Variants in SULF2 observed in about 807,000 individuals in gnomAD.
SULF2 encodes sulfatase 2.
SULF2 carries 52 observed loss-of-function variants against 107.7 expected under a neutral mutation model. The ratio of observed to expected loss-of-function variants is 0.48; its 90% CI spans 0.39 to 0.61. SULF2 has a LOEUF of 0.61. SULF2 is among the 20% of genes least tolerant of loss of function. The pLI is 0.00. For missense variants in SULF2, 993 were observed against 1,177.3 expected (o/e 0.84, Z 2.29); for synonymous variants, 460 against 464.3 (o/e 0.99, Z 0.12).
chr20:47,741,267 C>T (rs2089874081), intron 2 of SULF2, among the ~76,000 whole-genome samples: 2 of 151,668 alleles, frequency 1.3e-5, no homozygotes, highest in Admixed American at 1.3e-4. Flanking sequence ...CCTCTCCGCC[C>T]ACTCTCTGCA....
chr20:47,665,707 C>T lies in SULF2; in HGVS notation c.1902+150G>A, dbSNP rs1211523370. ...ATCTGTCTCATGCTGGGACTGACAC[C>T]TATCCCCGCGTTGAGGAATCTGTGG... On this transcript the variant is annotated intron_variant, in intron 13 of 20. Transcript: ENST00000688720. The T allele has an allele frequency of 7.6e-6, 5 of 656,522 alleles. No individual in the cohort carries two copies. The Admixed American group carries it at 1.3e-4, about 17-fold the overall frequency. 40.7% of individuals were successfully genotyped at this position (656,522 alleles called of 1,614,324 possible).
chr20:47,780,164 G>A (rs751962607), intron 1 of SULF2, among the ~76,000 whole-genome samples: 4 of 151,676 alleles, frequency 2.6e-5, no homozygotes, highest in Non-Finnish European at 2.9e-5. Flanking sequence ...CTACAGGCAC[G>A]TGCCACCACA....
Position 47,678,529 on chromosome 20 carries a change from A to ACCAT in SULF2, c.1193+146_1193+147insATGG. On this transcript the variant is annotated intron_variant, in intron 8 of 20. Coordinates refer to ENST00000688720, the MANE Select transcript of SULF2 (RefSeq NM_001387048.1). The surrounding 1 kb of genome is among the most constrained non-coding windows in gnomAD (Gnocchi z 4.5). Reference sequence around the variant, plus strand: ...AGAGGGGACCATGCTTCTCTCCCACAGCAGGTAAGTGGTTGGCATGGCGGG... The same window carrying ACCAT: ...AGAGGGGACCATGCTTCTCTCCCACACCATGCAGGTAAGTGGTTGGCATGGCGGG... The ACCAT allele has an allele frequency of 1.7e-5, 13 of 748,530 alleles. No homozygotes were observed. The highest frequency in any genetic ancestry group is 2.3e-5 in the Non-Finnish European group (11 of 487,310). The allele number at this position is 748,530 out of a possible 1,614,324, so 46.4% of individuals were successfully genotyped here. A position where few individuals can be genotyped will look rare whatever the true frequency, so the allele number is the denominator to read the frequency against.
At chr20:47,662,015 G>T in intron 17 of SULF2, 119 bp from the exon 18 acceptor site, 1 of 1,116,134 alleles carries the variant, frequency 9.0e-7, no homozygotes, top group South Asian at 3.0e-5. Flanking sequence ...AGGGGCTGGT[G>T]ACCTGTTTAC....
intron 1 of SULF2, among the ~76,000 whole-genome samples, chr20:47,768,332 A>G (rs939267212): frequency 6.6e-6 from 1 of 152,244 alleles, no homozygotes; most frequent in Admixed American, 6.5e-5. Flanking sequence ...TTCAGGCCCA[A>G]TAAATTCCTC....
At chr20:47,677,530 A>C (rs1383342679) in intron 8 of SULF2, among the ~76,000 whole-genome samples, 2 of 152,044 alleles carry the variant, frequency 1.3e-5, no homozygotes, top group African/African-American at 4.8e-5. Context: ...GTGGTTCAGC[A>C]TCAGGCGCAG....
chr20:47,761,550 CAAAG>C (rs1453084144), intron 1 of SULF2, among the ~76,000 whole-genome samples: 1 of 152,200 alleles, frequency 6.6e-6, no homozygotes, highest in Non-Finnish European at 1.5e-5. Flanking sequence ...AAATAAAAGT[CAAAG>C]AAAGCTGAAT....
intron 3 of SULF2, among the ~76,000 whole-genome samples, chr20:47,724,654 A>T (rs1221660315): frequency 6.6e-6 from 1 of 152,190 alleles, no homozygotes; most frequent in Non-Finnish European, 1.5e-5. Flanking sequence ...CCACGAGGAC[A>T]AGCTGTGTCT....
chr20:47,664,255 G>T, intron 14 of SULF2, 66 bp from the exon 15 acceptor site: 2 of 1,514,182 alleles, frequency 1.3e-6, no homozygotes, highest in South Asian at 1.2e-5. Flanking sequence ...GCAGGTGCAA[G>T]CTGTGATTTC....
intron 11 of SULF2, among the ~76,000 whole-genome samples, chr20:47,668,875 G>A (rs959205522): frequency 6.6e-6 from 1 of 152,066 alleles, no homozygotes; most frequent in Non-Finnish European, 1.5e-5. Context: ...TCTGTGACTG[G>A]GACTCACCGC....
At chr20:47,748,110 T>G (rs1312978809) in intron 2 of SULF2, among the ~76,000 whole-genome samples, 3 of 152,198 alleles carry the variant, frequency 2.0e-5, no homozygotes, top group Non-Finnish European at 2.9e-5. Context: ...CCATCGGGCA[T>G]GCAATCAAAT....
In SULF2 at chr20:47,745,720, G is replaced by T. The variant is rs2146844165; in HGVS notation, c.176-8778C>A. Among the ~76,000 whole-genome samples, 3 of 151,664 alleles carry T rather than the reference G, an allele frequency of 2.0e-5. No homozygotes were observed. In the East Asian group the frequency reaches 5.8e-4, roughly 29 times the overall value. On this transcript the variant is annotated intron_variant, in intron 2 of 20. Coordinates refer to ENST00000688720, the MANE Select transcript of SULF2 (RefSeq NM_001387048.1). The stretch of plus-strand genomic sequence containing the variant: ...ATTTTTTTTATTTTTAGTAGAGATG[G>T]GGTTTCACCATGTTAGCCAGGCTGT...
At chr20:47,753,116 A>AAG (rs1349875754) in intron 2 of SULF2, among the ~76,000 whole-genome samples, 547 of 143,140 alleles carry the variant, frequency 3.8e-3, no homozygotes, top group African/African-American at 0.013. Context: ...AAAAAAAAAA[A>AAG]AAAGAAAGAA....
Position 47,782,150 on chromosome 20 carries a change from CA to C in SULF2, c.-101+3192del. ...ACTGATACTCCATTTGCAACTTGCA[CA>C]CAGCAGCTGCTCAGTAAACACCAGC... On this transcript the variant is annotated intron_variant, in intron 1 of 20. Transcript: ENST00000688720. Among the ~76,000 whole-genome samples, 3 of 152,308 alleles carry C rather than the reference CA, an allele frequency of 2.0e-5. No individual in the cohort carries two copies. In the Middle Eastern group the frequency reaches 0.01, roughly 518 times the overall value.
intron 3 of SULF2, among the ~76,000 whole-genome samples, chr20:47,724,448 G>A (rs1433657490): frequency 3.9e-5 from 6 of 152,228 alleles, no homozygotes; most frequent in Admixed American, 3.3e-4. Flanking sequence ...GCAGGGCCAG[G>A]CGGAGCTCTG....
chr20:47,662,288 G>A (rs545969830), intron 17 of SULF2, among the ~76,000 whole-genome samples: 19 of 152,248 alleles, frequency 1.2e-4, no homozygotes, highest in Non-Finnish European at 2.2e-4. Flanking sequence ...ATGAAAGGAC[G>A]GGTAAGTGGC....
chr20:47,781,973 G>C (rs966868071), intron 1 of SULF2, among the ~76,000 whole-genome samples: 10 of 152,224 alleles, frequency 6.6e-5, no homozygotes, highest in African/African-American at 2.4e-4. Context: ...TCTGAAGCTA[G>C]AGTTAGTCAC....
chr20:47,729,489 C>T (rs901500755), intron 3 of SULF2, among the ~76,000 whole-genome samples: 12 of 152,136 alleles, frequency 7.9e-5, no homozygotes, highest in Admixed American at 4.6e-4. Context: ...AAGACAGTGG[C>T]GCGGATGGGC....
chr20:47,760,517 C>G (rs2090396213), intron 1 of SULF2, among the ~76,000 whole-genome samples: 1 of 152,140 alleles, frequency 6.6e-6, no homozygotes, highest in African/African-American at 2.4e-5. Context: ...GCTACCGGTT[C>G]CTCGGTGCAG....
Sources: gnomAD v4.1 joint callset for allele counts (sites outside exome capture counted in the v4.1 genomes callset) on GRCh38, gnomAD v4.1.1 for gene constraint, Gnocchi (gnomAD v3.1) non-coding constraint, MANE v1.5 for transcripts, NCBI Gene and HGNC (gene_info 2026-07-23, HGNC 2026-07-21) for gene names.